ANP32E: variants seen among roughly 807,000 people sequenced by gnomAD.
ANP32E encodes the protein acidic nuclear phosphoprotein 32 family member E.
ANP32E carries 14 observed loss-of-function variants against 35.3 expected under a neutral mutation model. The ratio of observed to expected loss-of-function variants is 0.40; its 90% CI spans 0.26 to 0.62. The LOEUF is 0.62. ANP32E is among the 20% of genes least tolerant of loss of function. ANP32E has a pLI of 0.45. For missense variants in ANP32E, 198 were observed against 304.4 expected (o/e 0.65, Z 2.60); for synonymous variants, 89 against 110.4 (o/e 0.81, Z 1.22).
intron 5 of ANP32E, 166 bp from the exon 6 acceptor site, chr1:150,223,406 C>A: frequency 2.3e-6 from 2 of 876,936 alleles, no homozygotes; most frequent in Non-Finnish European, 3.4e-6. Flanking sequence ...AAGGGCCGGG[C>A]GCGGTGGCTC....
At chr1:150,231,163 G>A (rs1649318741) in intron 2 of ANP32E, among the ~76,000 whole-genome samples, 2 of 152,202 alleles carry the variant, frequency 1.3e-5, no homozygotes, top group Admixed American at 6.6e-5. Flanking sequence ...GCCAAATAAT[G>A]TATTAGAACA....
In ANP32E at chr1:150,235,629, G is replaced by T. The variant is rs1425164686; in HGVS notation, c.54+104C>A. ...CCAACCCTAACCCGGGGGGATGGGGGCTAACTTATTACTCCATCCCCGCAC... is the reference window on the plus strand; with the variant it reads ...CCAACCCTAACCCGGGGGGATGGGGTCTAACTTATTACTCCATCCCCGCAC... On this transcript the variant is annotated intron_variant, in intron 1 of 6. Transcript: ENST00000583931. This position sits in a 1 kb window ranked among gnomAD's most constrained non-coding sequence, Gnocchi z 4.2. 3.2e-6 allele frequency: 4 copies of T among 1,267,286 alleles called. No individual in the cohort carries two copies. Among genetic ancestry groups the T allele is most frequent in the Middle Eastern group, 1.9e-4 (1 of 5,210 alleles). 78.5% of individuals were successfully genotyped at this position (1,267,286 alleles called of 1,614,324 possible). A position where few individuals can be genotyped will look rare whatever the true frequency, so the allele number is the denominator to read the frequency against.
Position 150,235,883 on chromosome 1 carries a change from G to A in ANP32E, c.-97C>T. The A allele has an allele frequency of 1.2e-6, 1 of 836,400 alleles. No homozygotes were observed. Among genetic ancestry groups the A allele is most frequent in the South Asian group, 1.5e-5 (1 of 65,744 alleles). 51.8% of individuals were successfully genotyped at this position (836,400 alleles called of 1,614,324 possible). A position where few individuals can be genotyped will look rare whatever the true frequency, so the allele number is the denominator to read the frequency against. The stretch of plus-strand genomic sequence containing the variant: ...ATTTTTAAGAGATTTAGAAATGAAT[G>A]AAAAGGAACGCAAATATAAACGCCC... On this transcript the variant is annotated 5_prime_UTR_variant, in exon 1 of 7. Transcript: ENST00000583931. The surrounding 1 kb of genome is among the most constrained non-coding windows in gnomAD (Gnocchi z 4.2).
chr1:150,230,510 A>C (rs1649271375), intron 3 of ANP32E, 61 bp downstream of exon 3: 2 of 1,486,826 alleles, frequency 1.3e-6, no homozygotes, highest in Non-Finnish European at 1.8e-6. Context: ...AATAGACACA[A>C]ACAAATCTCA....
At chr1:150,226,986 C>T (rs1340885105) in intron 4 of ANP32E, among the ~76,000 whole-genome samples, 191 bp from the exon 5 acceptor site, 3 of 151,842 alleles carry the variant, frequency 2.0e-5, no homozygotes, top group South Asian at 2.1e-4. Context: ...AAACCAAATG[C>T]GAGAAGTATG....
chr1:150,223,080 G>T, intron 6 of ANP32E, 106 bp downstream of exon 6: 1 of 1,270,602 alleles, frequency 7.9e-7, no homozygotes, highest in East Asian at 2.5e-5. Context: ...AGTAAAAATT[G>T]GCATTATAGG....
intron 5 of ANP32E, among the ~76,000 whole-genome samples, chr1:150,225,929 C>G (rs1445441999): frequency 2.6e-5 from 4 of 151,510 alleles, no homozygotes; most frequent in Non-Finnish European, 2.9e-5. Context: ...TTCTTGAGTG[C>G]CTATAATGTG....
At chr1:150,227,875 ATC>A (rs1303729533) in intron 4 of ANP32E, among the ~76,000 whole-genome samples, 10 of 150,566 alleles carry the variant, frequency 6.6e-5, no homozygotes, top group African/African-American at 2.2e-4. Context: ...CTGTCATCTG[ATC>A]TGTTAGTCAT....
chr1:150,221,311 T>C (rs1038699976), intron 6 of ANP32E, among the ~76,000 whole-genome samples: 79 of 149,838 alleles, frequency 5.3e-4, no homozygotes, highest in Middle Eastern at 3.5e-3. Flanking sequence ...TGGTGGCAGG[T>C]GCCTGTAGTC....
At chr1:150,229,550 G>A (rs1287092982) in intron 3 of ANP32E, among the ~76,000 whole-genome samples, 2 of 144,934 alleles carry the variant, frequency 1.4e-5, no homozygotes, top group Non-Finnish European at 3.0e-5. Context: ...CATGATCTCA[G>A]CTCACCACAC....
intron 5 of ANP32E, among the ~76,000 whole-genome samples, chr1:150,224,960 G>T (rs188492370): frequency 6.6e-6 from 1 of 152,168 alleles, no homozygotes. Flanking sequence ...GAGATACAAA[G>T]GTGAGTGGCA....
In ANP32E at chr1:150,218,439, A is replaced by G. The variant is rs1274958293; in HGVS notation, c.*2252T>C. 3 of 152,540 alleles carry G rather than the reference A, an allele frequency of 2.0e-5. No homozygotes were observed. The highest frequency in any genetic ancestry group is 2.9e-5 in the Non-Finnish European group (2 of 68,048). The allele number at this position is 152,540 out of a possible 1,614,324, so 9.4% of individuals were successfully genotyped here. On this transcript the variant is annotated 3_prime_UTR_variant, in exon 7 of 7. Coordinates refer to ENST00000583931, the MANE Select transcript of ANP32E (RefSeq NM_030920.5). Reference sequence around the variant, plus strand: ...AACTAATCATTATAACAAATCTTCAATTTATTTGAAGCAATTCAGTTTCAA... The same window carrying G: ...AACTAATCATTATAACAAATCTTCAGTTTATTTGAAGCAATTCAGTTTCAA...
chr1:150,234,114 C>A (rs1322233370), intron 1 of ANP32E, among the ~76,000 whole-genome samples: 3 of 151,578 alleles, frequency 2.0e-5, no homozygotes, highest in Non-Finnish European at 4.4e-5. Flanking sequence ...TACAACACAG[C>A]GGAAGAAGTT....
At chr1:150,228,155 C>T (rs11811787) in intron 4 of ANP32E, among the ~76,000 whole-genome samples, 41,161 of 151,234 alleles carry the variant, frequency 0.27, 6,139 homozygotes, top group East Asian at 0.57. Flanking sequence ...GTCGCCCAGG[C>T]TACAGTGCAG....
At position 150,236,053 on chromosome 1, in the gene ANP32E, CACACACACAT is replaced by C. The variant is rs1443360658; in HGVS notation, c.-277_-268del. 2.0e-5 allele frequency: 10 copies of C among 489,124 alleles called. No homozygotes were observed. The highest frequency in any genetic ancestry group is 1.8e-4 in the African/African-American group (9 of 50,644). The allele number at this position is 489,124 out of a possible 1,614,324, so 30.3% of individuals were successfully genotyped here. ...ACGCACGCACGCGCGCACACACATA[CACACACACAT>C]ACACACACACACCCGCAGTTCCTTC... On this transcript the variant is annotated 5_prime_UTR_variant, in exon 1 of 7. It removes an upstream start codon present in the reference 5' UTR. Transcript: ENST00000583931.
Position 150,235,461 on chromosome 1 carries a change from CA to C in ANP32E, c.54+271del, listed in dbSNP as rs1649703583. Among the ~76,000 whole-genome samples, 1 of 152,252 alleles carries C rather than the reference CA, an allele frequency of 6.6e-6. No individual in the cohort carries two copies. On this transcript the variant is annotated intron_variant, in intron 1 of 6. Transcript: ENST00000583931. The surrounding 1 kb of genome is among the most constrained non-coding windows in gnomAD (Gnocchi z 4.2). ...CCCCCACCAGCCCGCTTCCCGCCCCCACGAGGTCAGGACGCCCGACTCGATG... is the reference window on the plus strand; with the variant it reads ...CCCCCACCAGCCCGCTTCCCGCCCCCCGAGGTCAGGACGCCCGACTCGATG...
At chr1:150,227,777 T>C (rs1437333548) in intron 4 of ANP32E, among the ~76,000 whole-genome samples, 1 of 101,592 alleles carries the variant, frequency 9.8e-6, no homozygotes, top group East Asian at 5.7e-4. Flanking sequence ...CATCATTTTA[T>C]AACAGTATTT....
Position 150,221,261 on chromosome 1 carries a change from A to AC in ANP32E, c.737-501dup, listed in dbSNP as rs879948360. On this transcript the variant is annotated intron_variant, in intron 6 of 6. Transcript: ENST00000583931. ...GAGACCAGCCTGGCCAATAGGGTAA[A>AC]CCCCCCATCTCTACTAAAAATATAA... 3.6e-4 allele frequency among the ~76,000 whole-genome samples: 54 copies of AC among 149,818 alleles called. No individual in the cohort carries two copies. In the Middle Eastern group the frequency reaches 0.014, roughly 38 times the overall value.
At chr1:150,224,179 A>G (rs587623506) in intron 5 of ANP32E, among the ~76,000 whole-genome samples, 3 of 152,356 alleles carry the variant, frequency 2.0e-5, no homozygotes, top group South Asian at 2.1e-4. Flanking sequence ...AAGGAACACA[A>G]TGAAAATCAG....
Sources: gnomAD v4.1 joint callset for allele counts (sites outside exome capture counted in the v4.1 genomes callset) on GRCh38, gnomAD v4.1.1 for gene constraint, Gnocchi (gnomAD v3.1) non-coding constraint, MANE v1.5 for transcripts, NCBI Gene and HGNC (gene_info 2026-07-23, HGNC 2026-07-21) for gene names.